The following RICTOR variants were observed in gnomAD, a reference collection of about 807,000 sequenced individuals.
The protein encoded by RICTOR is rapamycin-insensitive companion of mTOR.
RICTOR carries 49 observed loss-of-function variants against 214.9 expected under a neutral mutation model. That is an observed-to-expected ratio of 0.23 (90% CI 0.18 to 0.29). The LOEUF is 0.29. Among genes scored for constraint, RICTOR ranks in the 10% least tolerant of loss-of-function variants. The probability of loss-of-function intolerance (pLI) is 1.00; values close to 1 mark genes in which losing one functional copy is unlikely to be tolerated. For synonymous variants in RICTOR, 717 were observed against 711.3 expected, an observed-to-expected ratio of 1.01 and a Z score of -0.13; for missense variants, 1,625 against 2,047.0, an observed-to-expected ratio of 0.79 and a Z score of 3.98.
In RICTOR at chr5:38,996,811, G is replaced by C. The variant is rs749327724; in HGVS notation, c.456+8C>G. 6 of 1,593,338 alleles carry C rather than the reference G, an allele frequency of 3.8e-6. No homozygotes were observed. Among genetic ancestry groups the C allele is most frequent in the Admixed American group, 1.7e-5 (1 of 59,786 alleles). ...AATTTGCCTTTTACTCTCACACATA[G>C]AGCATACCTTTCTGACTAATCGAAG... On this transcript the variant is annotated splice_region_variant and intron_variant, in intron 6 of 37. Transcript: ENST00000357387.
At chr5:38,959,709 G>A in intron 21 of RICTOR, 70 bp downstream of exon 21, 1 of 977,432 alleles carries the variant, frequency 1.0e-6, no homozygotes, top group South Asian at 1.3e-5. Context: ...AGAATAAAAA[G>A]CATACCATAT....
In RICTOR at chr5:38,978,605, C is replaced by G. The variant is rs769389225; in HGVS notation, c.799G>C (p.Asp267His). 6.4e-7 allele frequency: 1 copy of G among 1,573,780 alleles called. No individual in the cohort carries two copies. The highest frequency in any genetic ancestry group is 8.7e-7 in the Non-Finnish European group (1 of 1,149,260). The change falls in exon 9 of 38, where the codon GAT becomes CAT. Residue 267 changes from aspartate (D) to histidine (H), a missense_variant. Physicochemically the swap from Asp to His is moderately conservative, Grantham distance 81 (BLOSUM62 -1). Around this residue, in one of 5 missense-constraint regions of RICTOR, gnomAD observed 258 missense variants for 393.7 expected, o/e 0.66. Coordinates refer to ENST00000357387, the MANE Select transcript of RICTOR (RefSeq NM_152756.5). ...TACTTGAGCTGTCCTTCAGCTGTAT[C>G]TGGACTATGTCTGTAGTGAAAATCA... ...YTDFHYRHSP[D>H]TAEGQLKEDR...
At chr5:38,977,750 A>AT (rs952402169) in intron 9 of RICTOR, among the ~76,000 whole-genome samples, 4 of 151,252 alleles carry the variant, frequency 2.6e-5, no homozygotes, top group African/African-American at 7.3e-5. Flanking sequence ...TGCCCAGCTA[A>AT]TTTTTTTTGT....
intron 7 of RICTOR, among the ~76,000 whole-genome samples, chr5:38,986,455 A>G (rs13179322): frequency 0.16 from 24,695 of 152,198 alleles, 2,490 homozygotes; most frequent in Admixed American, 0.24. Context: ...CTATAATATT[A>G]CTGGAATTTA....
In RICTOR at chr5:38,958,475, G is replaced by A; in HGVS notation, c.2388C>T (p.His796=). Residue 796 remains histidine (H), a synonymous_variant, in exon 24 of 38, where the codon CAC becomes CAT. Transcript: ENST00000357387. The stretch of plus-strand genomic sequence containing the variant: ...GGAGAAGCAAACCCTTGTCTCCAAG[G>A]TGGGATAACGCTGGTTTCATCTGAA... The part of the protein sequence containing the change: ...ALIQMKPALS[H]LGDKGLLLLL... 1 of 1,611,680 alleles carries A rather than the reference G, an allele frequency of 6.2e-7. No homozygotes were observed. Among genetic ancestry groups the A allele is most frequent in the Non-Finnish European group, 8.5e-7 (1 of 1,178,002 alleles).
At position 39,016,915 on chromosome 5, in the gene RICTOR, T is replaced by C. The variant is rs1344071121; in HGVS notation, c.195+4124A>G. On this transcript the variant is annotated intron_variant, in intron 3 of 37. Coordinates refer to ENST00000357387, the MANE Select transcript of RICTOR (RefSeq NM_152756.5). The stretch of plus-strand genomic sequence containing the variant: ...ATAGTAAAATAACATTTAATAATGT[T>C]TTATACTAATTACATCAAATGATGT... 2.6e-5 allele frequency among the ~76,000 whole-genome samples: 4 copies of C among 152,338 alleles called. No individual in the cohort carries two copies. In the East Asian group the frequency reaches 7.7e-4, roughly 29 times the overall value.
At position 38,942,947 on chromosome 5, in the gene RICTOR, T is replaced by C. The variant is rs753883867; in HGVS notation, c.4938A>G (p.Thr1646=). 1.2e-5 allele frequency: 20 copies of C among 1,605,706 alleles called. No individual in the cohort carries two copies. The East Asian group carries it at 4.5e-4, about 36-fold the overall frequency. Residue 1646 remains threonine (T), a synonymous_variant, in exon 37 of 38, where the codon ACA becomes ACG. Transcript: ENST00000357387. ...LLTIKEKYPQ[T]FDDICLYSEV... is the part of the protein sequence containing the mutation. ...CAGAGTAAAGGCATATGTCATCAAA[T>C]GTTTGAGGATACTTCTCCTTAATTC...
chr5:38,987,695 G>A (rs1018321209), intron 7 of RICTOR, among the ~76,000 whole-genome samples: 7 of 151,566 alleles, frequency 4.6e-5, no homozygotes, highest in South Asian at 2.1e-4. Context: ...AGGGTTTTTC[G>A]TGTATCTCCT....
Position 38,983,623 on chromosome 5 carries a change from T to C in RICTOR, c.584-1587A>G, listed in dbSNP as rs576952262. ...CTAATTATCTATGTATCTAGGCATATGTGTATCTGTGTACATGTACATAAA... is the reference window on the plus strand; with the variant it reads ...CTAATTATCTATGTATCTAGGCATACGTGTATCTGTGTACATGTACATAAA... On this transcript the variant is annotated intron_variant, in intron 7 of 37. Coordinates refer to ENST00000357387, the MANE Select transcript of RICTOR (RefSeq NM_152756.5). Among the ~76,000 whole-genome samples the C allele has an allele frequency of 3.7e-4, 56 of 152,308 alleles. No individual in the cohort carries two copies. The South Asian group carries it at 0.011, about 29-fold the overall frequency.
At chr5:39,059,842 A>G (rs1245944784) in intron 2 of RICTOR, among the ~76,000 whole-genome samples, 1 of 152,146 alleles carries the variant, frequency 6.6e-6, no homozygotes, top group Non-Finnish European at 1.5e-5. Flanking sequence ...TGTGCTAAAA[A>G]TGTAATAAAT....
intron 25 of RICTOR, among the ~76,000 whole-genome samples, chr5:38,957,381 A>G (rs1359587591): frequency 6.6e-6 from 1 of 152,176 alleles, no homozygotes; most frequent in Non-Finnish European, 1.5e-5. Flanking sequence ...CAAAAATTAG[A>G]TTATAAAATC....
At position 38,978,630 on chromosome 5, in the gene RICTOR, AG is replaced by A. The variant is rs1751429411; in HGVS notation, c.773del (p.Thr258MetfsTer25). 1 of 1,558,122 alleles carries A rather than the reference AG, an allele frequency of 6.4e-7. No individual in the cohort carries two copies. Among genetic ancestry groups the A allele is most frequent in the African/African-American group, 1.4e-5 (1 of 73,232 alleles). On this transcript the variant is annotated frameshift_variant, in exon 9 of 38. Coordinates refer to ENST00000357387, the MANE Select transcript of RICTOR (RefSeq NM_152756.5). LOFTEE classifies it high-confidence loss of function. The part of the protein sequence containing the change: ...VELERILAPY[T>X]DFHYRHSPDT... The stretch of plus-strand genomic sequence containing the variant: ...CTGGACTATGTCTGTAGTGAAAATC[AG>A]TATAGGGTGCTAAAATTCTCTATTT...
In RICTOR at chr5:38,949,122, T is replaced by A. The variant is rs186952990; in HGVS notation, c.4136+590A>T. On this transcript the variant is annotated intron_variant, in intron 31 of 37. Transcript: ENST00000357387. ...CAAAATTTTTTTGCAGCAAATACTG[T>A]GTATCTTTTAAAAGTAAAATCTAAA... 2.7e-3 allele frequency among the ~76,000 whole-genome samples: 409 copies of A among 152,158 alleles called. 2 individuals carry two copies. The highest frequency in any genetic ancestry group is 4.9e-3 in the Non-Finnish European group (330 of 67,948).
chr5:38,994,154 C>T (rs1048388828), intron 6 of RICTOR, among the ~76,000 whole-genome samples: 2 of 151,912 alleles, frequency 1.3e-5, no homozygotes, highest in African/African-American at 4.8e-5. Context: ...TGCACCACTG[C>T]ACTCCAGCCT....
chr5:39,015,779 C>G (rs1754895372), intron 3 of RICTOR, among the ~76,000 whole-genome samples: 1 of 151,956 alleles, frequency 6.6e-6, no homozygotes, highest in Non-Finnish European at 1.5e-5. Flanking sequence ...ACACAAAACA[C>G]AAAAACCAAA....
Position 38,955,611 on chromosome 5 carries a change from G to T in RICTOR, c.2593C>A (p.Arg865Ser). The T allele has an allele frequency of 1.3e-6, 2 of 1,596,426 alleles. No homozygotes were observed. Among genetic ancestry groups the T allele is most frequent in the Non-Finnish European group, 1.7e-6 (2 of 1,164,224 alleles). Residue 865 changes from arginine to serine, a missense_variant, in exon 26 of 38, where the codon CGT becomes AGT. Arg to Ser is a moderately radical substitution (Grantham distance 110, BLOSUM62 -1). This residue lies in a region of RICTOR where 1,214 missense variants were observed against 1,470.5 expected (regional missense o/e 0.83). Coordinates refer to ENST00000357387, the MANE Select transcript of RICTOR (RefSeq NM_152756.5). ...GGTACGCACCTTTGGTTACTCCGAC[G>T]AACATAGTTATCACCATCAACAGGC... ...RKPVDGDNYVRRSNQRLQRPH... is the reference protein window; with the variant it reads ...RKPVDGDNYVSRSNQRLQRPH...
intron 21 of RICTOR, 86 bp from the exon 22 acceptor site, chr5:38,959,407 G>T: frequency 1.3e-6 from 1 of 765,964 alleles, no homozygotes; most frequent in Non-Finnish European, 2.0e-6. Flanking sequence ...CAGCTTTACT[G>T]AAGTATAAAT....
intron 24 of RICTOR, among the ~76,000 whole-genome samples, chr5:38,958,198 T>C (rs866166242): frequency 3.3e-5 from 5 of 151,720 alleles, no homozygotes; most frequent in Non-Finnish European, 5.9e-5. Context: ...CATTGGACCA[T>C]TGCACTCTGG....
rs114963153 is a variant in RICTOR at position 39,004,126 on chromosome 5, C to T, written c.196-504G>A. Among the ~76,000 whole-genome samples the T allele has an allele frequency of 1.9e-3, 293 of 152,264 alleles. 1 individual carries two copies. Among genetic ancestry groups the T allele is most frequent in the Middle Eastern group, 0.01 (3 of 294 alleles). Reference sequence around the variant, plus strand: ...GTCAATATCAGTTTATATTTATTCACATATTTACCCTTTTTATTATTCATC... The same window carrying T: ...GTCAATATCAGTTTATATTTATTCATATATTTACCCTTTTTATTATTCATC... On this transcript the variant is annotated intron_variant, in intron 3 of 37. Coordinates refer to ENST00000357387, the MANE Select transcript of RICTOR (RefSeq NM_152756.5).
Sources: gnomAD v4.1 joint callset for allele counts (sites outside exome capture counted in the v4.1 genomes callset) on GRCh38, gnomAD v4.1.1 for gene constraint, gnomAD v4.1.1 regional missense constraint, MANE v1.5 for transcripts, NCBI Gene and HGNC (gene_info 2026-07-23, HGNC 2026-07-21) for gene names.